The following CACNA1S variants were observed in gnomAD, a reference collection of about 807,000 sequenced individuals.
The protein encoded by CACNA1S is calcium voltage-gated channel subunit alpha1 S.
A neutral mutation model predicts 207.4 loss-of-function variants in CACNA1S; 126 were observed. The observed-to-expected ratio is 0.61, with a 90% confidence interval of 0.53 to 0.70. The LOEUF (loss-of-function observed/expected upper bound fraction) is 0.70, where lower values mean the gene tolerates loss of function less well. CACNA1S is among the 30% of genes least tolerant of loss of function. CACNA1S has a pLI of 0.00. For synonymous variants in CACNA1S, 960 were observed against 932.7 expected, an observed-to-expected ratio of 1.03 and a Z score of -0.53; for missense variants, 2,349 against 2,422.8, an observed-to-expected ratio of 0.97 and a Z score of 0.64.
chr1:201,060,664 G>A lies in CACNA1S; in HGVS notation c.3408C>T (p.Gly1136=), dbSNP rs1661012667. 6.2e-7 allele frequency: 1 copy of A among 1,614,168 alleles called. No individual in the cohort carries two copies. The highest frequency in any genetic ancestry group is 2.2e-5 in the East Asian group (1 of 44,874). The change falls in exon 26 of 44, where the codon GGC becomes GGT. Residue 1136 remains glycine (G), a synonymous_variant. Coordinates refer to ENST00000362061, the MANE Select transcript of CACNA1S (RefSeq NM_000069.3). ...TCTCCTGGGGAGCCCTTACCTGCAT[G>A]CCGAGGCAGATGGTGTTGAGCATGA... ...ALIMLNTICL[G]MQHYNQSEQM...
At chr1:201,059,131 GGAAGGTCCCACCC>G (rs1416112378) in intron 27 of CACNA1S, 45 bp downstream of exon 27, 11 of 1,086,312 alleles carry the variant, frequency 1.0e-5, no homozygotes, top group Non-Finnish European at 1.4e-5. Context: ...ATGTTCCACT[GGAAGGTCCCACCC>G]ACCAGCCCCA....
In CACNA1S at chr1:201,066,119, G is replaced by C; in HGVS notation, c.2745+110C>G. On this transcript the variant is annotated intron_variant, in intron 21 of 43. Transcript: ENST00000362061. This position sits in a 1 kb window ranked among gnomAD's most constrained non-coding sequence, Gnocchi z 4.3. ...CTCATCCTTACCCCTATCTGCCCAG[G>C]GAGATGGGACAGGGGTCCCAGCCAT... 1 of 1,112,326 alleles carries C rather than the reference G, an allele frequency of 9.0e-7. No homozygotes were observed. Among genetic ancestry groups the C allele is most frequent in the Non-Finnish European group, 1.4e-6 (1 of 733,190 alleles). The allele number at this position is 1,112,326 out of a possible 1,614,324, so 68.9% of individuals were successfully genotyped here.
At chr1:201,091,828 G>T (rs755975821) in intron 4 of CACNA1S, 36 bp from the exon 5 acceptor site, 2 of 1,601,754 alleles carry the variant, frequency 1.2e-6, no homozygotes, top group African/African-American at 2.7e-5. Context: ...AAGAGGAGTC[G>T]CCTCTGCTTG....
chr1:201,041,376 A>C, intron 41 of CACNA1S, 128 bp downstream of exon 41: 2 of 737,258 alleles, frequency 2.7e-6, no homozygotes, highest in Non-Finnish European at 4.9e-6. Context: ...GGCCCAGATG[A>C]CTGCCATTGT....
rs1660735748 is a variant in CACNA1S at position 201,053,593 on chromosome 1, G to A, written c.3667-6C>T. ...CGGGCACTCTCATCTGGGTCCTGCG[G>A]GGCAGCAGCCCCAGAGGTCAGTCTG... is the stretch of plus-strand genomic sequence containing the variant. On this transcript the variant is annotated splice_region_variant and splice_polypyrimidine_tract_variant and intron_variant, in intron 29 of 43. Transcript: ENST00000362061. This position sits in a 1 kb window ranked among gnomAD's most constrained non-coding sequence, Gnocchi z 5.1. 3.1e-6 allele frequency: 5 copies of A among 1,613,924 alleles called. No individual in the cohort carries two copies. The highest frequency in any genetic ancestry group is 4.2e-6 in the Non-Finnish European group (5 of 1,179,982).
In CACNA1S at chr1:201,085,485, C is replaced by T. The variant is rs1438961156; in HGVS notation, c.1101G>A (p.Met367Ile). Residue 367 changes from methionine to isoleucine, a missense_variant, in exon 8 of 44, where the codon ATG (methionine) becomes ATA (isoleucine). Coordinates refer to ENST00000362061, the MANE Select transcript of CACNA1S (RefSeq NM_000069.3). ...QQLDEDLRGY[M>I]SWITQGEVMD... Reference sequence around the variant, plus strand: ...TGACCTCGCCCTGCGTGATCCAGCTCATGTAGCCCCGAAGGTCCTCATCTA... The same window carrying T: ...TGACCTCGCCCTGCGTGATCCAGCTTATGTAGCCCCGAAGGTCCTCATCTA... 2 of 1,613,176 alleles carry T rather than the reference C, an allele frequency of 1.2e-6. No individual in the cohort carries two copies. The highest frequency in any genetic ancestry group is 2.2e-5 in the South Asian group (2 of 91,000).
chr1:201,084,911 G>A, intron 9 of CACNA1S, 39 bp downstream of exon 9: 1 of 1,374,100 alleles, frequency 7.3e-7, no homozygotes, highest in Non-Finnish European at 1.0e-6. Context: ...TCAGGGAGCT[G>A]GGGGTTGGGG....
At position 201,089,338 on chromosome 1, in the gene CACNA1S, G is replaced by A. The variant is rs756422083; in HGVS notation, c.820C>T (p.His274Tyr). 1.2e-5 allele frequency: 20 copies of A among 1,614,280 alleles called. No homozygotes were observed. The highest frequency in any genetic ancestry group is 1.6e-5 in the Non-Finnish European group (19 of 1,180,052). The stretch of plus-strand genomic sequence containing the variant: ...ATGGAGAAGCCGAAGTTGTCGAAGT[G>A]GGTGATGCCATGGTTGGGCCCTGGC... ...GWPGPNHGIT[H>Y]FDNFGFSMLT... The change falls in exon 6 of 44, where the codon CAC becomes TAC. Residue 274 changes from histidine to tyrosine, a missense_variant. Transcript: ENST00000362061.
Position 201,077,869 on chromosome 1 carries a change from C to A in CACNA1S, c.1619+10G>T, listed in dbSNP as rs374195664. The A allele has an allele frequency of 1.2e-6, 2 of 1,604,734 alleles. No individual in the cohort carries two copies. The highest frequency in any genetic ancestry group is 1.1e-5 in the South Asian group (1 of 90,824). On this transcript the variant is annotated intron_variant, in intron 11 of 43. Coordinates refer to ENST00000362061, the MANE Select transcript of CACNA1S (RefSeq NM_000069.3). ...GGGACCCGGGAGTGCCAGCCGACCC[C>A]GGCACTCACTTGGTGATCTTGAAGA...
chr1:201,092,543 C>G (rs918037520), intron 3 of CACNA1S, among the ~76,000 whole-genome samples: 4 of 152,178 alleles, frequency 2.6e-5, no homozygotes, highest in African/African-American at 9.7e-5. Context: ...TGATAATGCC[C>G]TTTATTTTCT....
chr1:201,066,402 C>G lies in CACNA1S; in HGVS notation c.2658-86G>C. 8.8e-7 allele frequency: 1 copy of G among 1,130,614 alleles called. No homozygotes were observed. The highest frequency in any genetic ancestry group is 1.3e-6 in the Non-Finnish European group (1 of 751,754). The allele number at this position is 1,130,614 out of a possible 1,614,324, so 70.0% of individuals were successfully genotyped here. A position where few individuals can be genotyped will look rare whatever the true frequency, so the allele number is the denominator to read the frequency against. ...GTGGAGCCTCCAGCCATATCCTGCC[C>G]TCCACACCAGCTGCCTTTCTGCCTG... On this transcript the variant is annotated intron_variant, in intron 20 of 43. Transcript: ENST00000362061. The surrounding 1 kb of genome is among the most constrained non-coding windows in gnomAD (Gnocchi z 4.3).
At chr1:201,040,504 C>A in intron 42 of CACNA1S, 118 bp downstream of exon 42, 5 of 1,413,862 alleles carry the variant, frequency 3.5e-6, no homozygotes, top group Non-Finnish European at 4.9e-6. Context: ...GATCCCGTCC[C>A]TTCTGTACTG....
chr1:201,067,463 C>T (rs1396933451), intron 19 of CACNA1S, among the ~76,000 whole-genome samples: 2 of 152,208 alleles, frequency 1.3e-5, no homozygotes, highest in African/African-American at 2.4e-5. Context: ...CTTCTTGCTC[C>T]CCTCTCAGCT....
chr1:201,105,512 G>A (rs1054715760), intron 2 of CACNA1S, among the ~76,000 whole-genome samples: 1 of 152,148 alleles, frequency 6.6e-6, no homozygotes, highest in African/African-American at 2.4e-5. Flanking sequence ...TCTAGCTCCA[G>A]AACCCATTTT....
intron 39 of CACNA1S, among the ~76,000 whole-genome samples, 171 bp from the exon 40 acceptor site, chr1:201,043,702 T>A (rs187725274): frequency 1.3e-5 from 2 of 152,210 alleles, no homozygotes; most frequent in Admixed American, 1.3e-4. Context: ...ATTCCCACCC[T>A]TAGAAAGTTC....
At chr1:201,043,633 G>C in intron 39 of CACNA1S, 102 bp from the exon 40 acceptor site, 1 of 1,082,310 alleles carries the variant, frequency 9.2e-7, no homozygotes, top group Non-Finnish European at 1.4e-6. Context: ...ATAGTATTGG[G>C]AGACAAATCT....
At chr1:201,070,090 T>C (rs1195982219) in intron 17 of CACNA1S, among the ~76,000 whole-genome samples, 182 bp downstream of exon 17, 4 of 152,160 alleles carry the variant, frequency 2.6e-5, no homozygotes, top group African/African-American at 9.7e-5. Context: ...ACTGATAAGG[T>C]TTAAAGCATT....
chr1:201,091,728 C>A lies in CACNA1S; in HGVS notation c.606G>T (p.Leu202=), dbSNP rs765114075. The part of the protein sequence containing the change: ...AMLPLFHIAL[L]VLFMVIIYAI... Reference sequence around the variant, plus strand: ...CATAGATGATGACCATAAAGAGGACCAGCAGGGCGATGTGAAAGAGGGGGA... The same window carrying A: ...CATAGATGATGACCATAAAGAGGACAAGCAGGGCGATGTGAAAGAGGGGGA... The change falls in exon 5 of 44, where the codon CTG becomes CTT. Residue 202 remains leucine, a synonymous_variant. Coordinates refer to ENST00000362061, the MANE Select transcript of CACNA1S (RefSeq NM_000069.3). 1 of 1,614,106 alleles carries A rather than the reference C, an allele frequency of 6.2e-7. No homozygotes were observed. The highest frequency in any genetic ancestry group is 1.1e-5 in the South Asian group (1 of 91,080).
At chr1:201,083,656 A>G (rs1661924160) in intron 9 of CACNA1S, among the ~76,000 whole-genome samples, 3 of 152,216 alleles carry the variant, frequency 2.0e-5, no homozygotes, top group Admixed American at 6.5e-5. Flanking sequence ...CCCTTATCAA[A>G]GGCCACTCTT....
Sources: gnomAD v4.1 joint callset for allele counts (sites outside exome capture counted in the v4.1 genomes callset) on GRCh38, gnomAD v4.1.1 for gene constraint, Gnocchi (gnomAD v3.1) non-coding constraint, MANE v1.5 for transcripts, NCBI Gene and HGNC (gene_info 2026-07-23, HGNC 2026-07-21) for gene names.